CDH4: variants seen among roughly 807,000 people sequenced by gnomAD.
The protein encoded by CDH4 is cadherin-4.
CDH4 carries 33 observed loss-of-function variants against 86.0 expected under a neutral mutation model. The ratio of observed to expected loss-of-function variants is 0.38; its 90% CI spans 0.29 to 0.51. The LOEUF (loss-of-function observed/expected upper bound fraction) is 0.51. Ranked by LOEUF, CDH4 falls within the 20% of genes least tolerant of loss-of-function variation. CDH4 has a pLI of 0.86. For missense variants in CDH4, 1,114 were observed against 1,307.4 expected (o/e 0.85, Z 2.28); for synonymous variants, 555 against 549.4 (o/e 1.01, Z -0.14).
chr20:61,468,226 A>G (rs1032809842), intron 2 of CDH4, among the ~76,000 whole-genome samples: 1 of 152,082 alleles, frequency 6.6e-6, no homozygotes, highest in African/African-American at 2.4e-5. Flanking sequence ...CCCATATCAC[A>G]TTGTTACTAT....
chr20:61,865,579 T>C (rs1983510512), intron 6 of CDH4, among the ~76,000 whole-genome samples: 1 of 151,584 alleles, frequency 6.6e-6, no homozygotes, highest in Admixed American at 6.6e-5. Context: ...GTGTAGATGA[T>C]AGGTCGCTTC....
At chr20:61,542,278 G>A (rs571400385) in intron 2 of CDH4, among the ~76,000 whole-genome samples, 5 of 152,242 alleles carry the variant, frequency 3.3e-5, no homozygotes, top group African/African-American at 7.2e-5. Context: ...CTTCACATGT[G>A]GCCAGGTTTC....
intron 3 of CDH4, among the ~76,000 whole-genome samples, chr20:61,772,759 T>G (rs1341336586): frequency 6.6e-6 from 1 of 152,192 alleles, no homozygotes; most frequent in Non-Finnish European, 1.5e-5. Flanking sequence ...TATGGTTTCT[T>G]TTTCCCGCAT....
intron 2 of CDH4, among the ~76,000 whole-genome samples, chr20:61,274,585 A>AAC (rs2084214655): frequency 4.2e-5 from 1 of 23,634 alleles, no homozygotes; most frequent in African/African-American, 1.2e-4. Context: ...TTGGGGGAGT[A>AAC]CTGTGTGCAG....
At chr20:61,915,894 A>T (rs1206484838) in intron 9 of CDH4, among the ~76,000 whole-genome samples, 2 of 152,306 alleles carry the variant, frequency 1.3e-5, no homozygotes, top group African/African-American at 4.8e-5. Context: ...AAATTTTAAA[A>T]TTTGAGGAGC....
At chr20:61,442,523 G>A (rs1476828261) in intron 2 of CDH4, among the ~76,000 whole-genome samples, 3 of 152,200 alleles carry the variant, frequency 2.0e-5, no homozygotes, top group Admixed American at 6.5e-5. Context: ...ATTTCTAACA[G>A]GCCCACTCAG....
intron 3 of CDH4, among the ~76,000 whole-genome samples, chr20:61,764,881 G>A (rs74177967): frequency 0.038 from 5,779 of 152,332 alleles, 126 homozygotes; most frequent in Middle Eastern, 0.088. Context: ...ACTAGGACCC[G>A]TGCCTGGAGG....
chr20:61,651,618 G>A (rs575307988), intron 2 of CDH4, among the ~76,000 whole-genome samples: 5 of 152,290 alleles, frequency 3.3e-5, no homozygotes, highest in East Asian at 1.9e-4. Context: ...TCAGGCAGGC[G>A]GCCCCACCTC....
chr20:61,351,371 G>T (rs899263181), intron 2 of CDH4, among the ~76,000 whole-genome samples: 2 of 152,168 alleles, frequency 1.3e-5, no homozygotes, highest in African/African-American at 2.4e-5. Flanking sequence ...TGGATTCTAC[G>T]CACACACTGT....
chr20:61,455,542 A>T (rs184519284), intron 2 of CDH4, among the ~76,000 whole-genome samples: 10 of 152,368 alleles, frequency 6.6e-5, no homozygotes, highest in African/African-American at 2.4e-4. Context: ...GGTGATGTTT[A>T]TATGTAAAAC....
intron 4 of CDH4, among the ~76,000 whole-genome samples, chr20:61,819,889 A>G (rs1310677288): frequency 2.6e-5 from 4 of 152,190 alleles, no homozygotes; most frequent in African/African-American, 7.2e-5. Context: ...CAGGTACCAG[A>G]CCAGGCAAGG....
At chr20:61,286,343 G>A (rs533747317) in intron 2 of CDH4, among the ~76,000 whole-genome samples, 2 of 152,184 alleles carry the variant, frequency 1.3e-5, no homozygotes, top group Non-Finnish European at 2.9e-5. Flanking sequence ...GCCTCCCTGT[G>A]TCATATGGAC....
Position 61,811,633 on chromosome 20 carries a change from G to A in CDH4, c.577-33035G>A, listed in dbSNP as rs1409726791. Reference sequence around the variant, plus strand: ...CAAATGAGCCCAGCCACTGCCACCCGGGGTCACGCCCCTGCCACCCGGGGT... The same window carrying A: ...CAAATGAGCCCAGCCACTGCCACCCAGGGTCACGCCCCTGCCACCCGGGGT... On this transcript the variant is annotated intron_variant, in intron 4 of 15. Coordinates refer to ENST00000614565, the MANE Select transcript of CDH4 (RefSeq NM_001794.5). The surrounding 1 kb of genome is among the most constrained non-coding windows in gnomAD (Gnocchi z 4.4). Among the ~76,000 whole-genome samples the A allele has an allele frequency of 5.9e-5, 9 of 151,508 alleles. No individual in the cohort carries two copies. The highest frequency in any genetic ancestry group is 4.6e-4 in the Admixed American group (7 of 15,234).
chr20:61,375,570 GCTGGTGGTGGTCATAGCA>G (rs63749041), intron 2 of CDH4, among the ~76,000 whole-genome samples: 27,109 of 130,410 alleles, frequency 0.21, 4,046 homozygotes, highest in African/African-American at 0.4. Flanking sequence ...TGATGGTGGC[GCTGGTGGTGGTCATAGCA>G]CTGGTGGTGG....
At chr20:61,649,524 G>A (rs900266179) in intron 2 of CDH4, among the ~76,000 whole-genome samples, 3 of 152,134 alleles carry the variant, frequency 2.0e-5, no homozygotes, top group African/African-American at 7.2e-5. Context: ...ACTCTCCTTC[G>A]AAAGTGAAAA....
At chr20:61,631,919 C>T (rs1759126740) in intron 2 of CDH4, among the ~76,000 whole-genome samples, 1 of 152,244 alleles carries the variant, frequency 6.6e-6, no homozygotes, top group Non-Finnish European at 1.5e-5. Flanking sequence ...GCCTCCCCAC[C>T]CAGCCGCTGC....
rs561892768 is a variant in CDH4 at position 61,564,193 on chromosome 20, C to T, written c.170-179370C>T. On this transcript the variant is annotated intron_variant, in intron 2 of 15. Transcript: ENST00000614565. ...ATCCTAAGACTCTGAGTTACATCTG[C>T]AAAGACCTTTATTCACAATGAGTTC... Among the ~76,000 whole-genome samples the T allele has an allele frequency of 2.0e-5, 3 of 152,266 alleles. No individual in the cohort carries two copies. In the East Asian group the frequency reaches 5.8e-4, roughly 29 times the overall value.
chr20:61,257,847 C>G (rs2084107440), intron 2 of CDH4, among the ~76,000 whole-genome samples: 1 of 152,196 alleles, frequency 6.6e-6, no homozygotes, highest in Admixed American at 6.5e-5. Flanking sequence ...ACACCCAGAC[C>G]CGATTCATAA....
rs1008138604 is a variant in CDH4, at chr20:61,781,387, T to C, written c.576+8205T>C. Among the ~76,000 whole-genome samples the C allele has an allele frequency of 4.0e-5, 6 of 151,662 alleles. No homozygotes were observed. In the South Asian group the frequency reaches 1.2e-3, roughly 32 times the overall value. ...TTTATAGTATGTTCAAGGGTCAGAA[T>C]AGATGGATAGATGGATAGATGGGGA... On this transcript the variant is annotated intron_variant, in intron 4 of 15. Coordinates refer to ENST00000614565, the MANE Select transcript of CDH4 (RefSeq NM_001794.5).
Sources: allele counts gnomAD v4.1 joint callset (sites outside exome capture counted in the v4.1 genomes callset), GRCh38; gene constraint gnomAD v4.1.1; non-coding constraint Gnocchi (gnomAD v3.1); transcripts MANE v1.5; gene names NCBI Gene and HGNC (gene_info 2026-07-23, HGNC 2026-07-21).